Variants in PAK3 observed in about 807,000 individuals in gnomAD.
PAK3 encodes the protein serine/threonine-protein kinase PAK 3.
A neutral mutation model predicts 41.0 loss-of-function variants in PAK3; 4 were observed. The observed-to-expected ratio is 0.10, with a 90% CI of 0.05 to 0.22. The LOEUF (loss-of-function observed/expected upper bound fraction) is 0.22, where lower values mean the gene tolerates loss of function less well. PAK3 is among the 10% of genes least tolerant of loss of function. PAK3 has a pLI of 1.00. For missense variants in PAK3, 205 were observed against 409.9 expected, an observed-to-expected ratio of 0.50 and a Z score of 4.32; for synonymous variants, 146 against 139.6, an observed-to-expected ratio of 1.05 and a Z score of -0.32.
At chrX:111,211,674 C>CA (rs200390666) in intron 16 of PAK3, among the ~76,000 whole-genome samples, 1,551 of 55,021 alleles carry the variant, frequency 0.028, 22 homozygotes, top group Middle Eastern at 0.11. Flanking sequence ...GACTTTGTCT[C>CA]AAAAAAAAAA....
intron 1 of PAK3, among the ~76,000 whole-genome samples, chrX:111,056,623 T>C (rs1382528646): frequency 1.8e-5 from 2 of 112,196 alleles, no homozygotes; most frequent in African/African-American, 6.5e-5. Context: ...ATGCAGTACA[T>C]ATCATTTTGC....
intron 7 of PAK3, among the ~76,000 whole-genome samples, chrX:111,148,577 C>T (rs1356801078): frequency 9.0e-6 from 1 of 111,209 alleles, no homozygotes; most frequent in Non-Finnish European, 1.9e-5. Context: ...GCTGGTGAGA[C>T]CTCAGAATCA....
At chrX:111,208,275 A>T (rs1488474807) in intron 16 of PAK3, among the ~76,000 whole-genome samples, 1 of 112,866 alleles carries the variant, frequency 8.9e-6, no homozygotes, top group African/African-American at 3.2e-5. Flanking sequence ...TTATAAATTT[A>T]AAAACTTACA....
At chrX:111,020,599 C>T (rs2092162704) in intron 1 of PAK3, among the ~76,000 whole-genome samples, 2 of 111,431 alleles carry the variant, frequency 1.8e-5, no homozygotes, top group Admixed American at 9.5e-5. Context: ...TCATCATGAA[C>T]TTTTGCTCCA....
intron 1 of PAK3, among the ~76,000 whole-genome samples, chrX:111,078,793 T>C (rs141028321): frequency 7.2e-4 from 81 of 111,973 alleles, no homozygotes; most frequent in African/African-American, 2.4e-3. Flanking sequence ...ATCCAAGTTA[T>C]GAATGCAAAG....
At chrX:111,138,883 G>T (rs1383933270) in intron 5 of PAK3, among the ~76,000 whole-genome samples, 1 of 110,608 alleles carries the variant, frequency 9.0e-6, no homozygotes, top group East Asian at 2.8e-4. Context: ...CAGGAGAATC[G>T]CTTGAACCCG....
intron 1 of PAK3, among the ~76,000 whole-genome samples, chrX:110,985,166 A>G (rs945683156): frequency 2.7e-5 from 3 of 111,936 alleles, no homozygotes; most frequent in African/African-American, 9.7e-5. Context: ...TGTTTTTAGG[A>G]TAAAGATAAA....
intron 13 of PAK3, among the ~76,000 whole-genome samples, chrX:111,193,190 A>G (rs2094575915): frequency 9.0e-6 from 1 of 111,064 alleles, no homozygotes; most frequent in South Asian, 3.8e-4. Context: ...GTTTAGTACC[A>G]CTGTGCGGTG....
intron 5 of PAK3, among the ~76,000 whole-genome samples, chrX:111,134,620 T>C (rs2093762620): frequency 1.8e-5 from 2 of 111,550 alleles, no homozygotes; most frequent in African/African-American, 3.3e-5. Context: ...AGTTATTCAA[T>C]GATTAGAGTT....
intron 8 of PAK3, among the ~76,000 whole-genome samples, chrX:111,155,000 C>T (rs1402326798): frequency 2.7e-5 from 3 of 110,774 alleles, no homozygotes; most frequent in Non-Finnish European, 5.7e-5. Flanking sequence ...ATTGGTTTTG[C>T]TTGTAGAATT....
intron 1 of PAK3, among the ~76,000 whole-genome samples, chrX:110,977,723 A>C (rs2091366193): frequency 8.9e-6 from 1 of 112,169 alleles, no homozygotes; most frequent in South Asian, 3.7e-4. Context: ...GTATACAAAT[A>C]AAATTGATAT....
chrX:110,970,764 A>T (rs2091191255), intron 1 of PAK3, among the ~76,000 whole-genome samples: 2 of 112,155 alleles, frequency 1.8e-5, no homozygotes, highest in Admixed American at 9.4e-5. Context: ...AAAGTAAAAT[A>T]AAATAAGTAC....
Position 111,178,980 on chromosome X carries a change from T to TATAGAGAGAGAGAGAGAG in PAK3, c.830+5900_830+5901insTAGAGAGAGAGAGAGAGA, listed in dbSNP as rs1211051270. On this transcript the variant is annotated intron_variant, in intron 11 of 17. Coordinates refer to ENST00000372007, the MANE Select transcript of PAK3 (RefSeq NM_002578.5). ...TGTTTTATATATATATATATATATA[T>TATAGAGAGAGAGAGAGAG]AGAGAGAGAGATATCTGTATATCTA... is the stretch of plus-strand genomic sequence containing the variant. 4.6e-3 allele frequency among the ~76,000 whole-genome samples: 418 copies of TATAGAGAGAGAGAGAGAG among 91,589 alleles called. 1 individual carries two copies. The highest frequency in any genetic ancestry group is 0.012 in the African/African-American group (298 of 24,888). The allele number at this position is 91,589 out of a possible 115,157, so 79.5% of individuals were successfully genotyped here.
intron 6 of PAK3, chrX:111,146,714 G>A (rs1055527799): frequency 2.7e-5 from 10 of 375,388 alleles, no homozygotes; most frequent in Middle Eastern, 3.9e-4. Context: ...GGAGGCCCAC[G>A]TCACACATTG....
At chrX:110,978,013 G>C (rs1362473123) in intron 1 of PAK3, among the ~76,000 whole-genome samples, 1 of 112,143 alleles carries the variant, frequency 8.9e-6, no homozygotes, top group South Asian at 3.7e-4. Flanking sequence ...GACGTTAGCT[G>C]TGGGTTTTTC....
At chrX:111,215,357 A>G (rs749304671) in intron 16 of PAK3, among the ~76,000 whole-genome samples, 17 of 110,943 alleles carry the variant, frequency 1.5e-4, no homozygotes, top group African/African-American at 5.3e-4. Flanking sequence ...TCGGGAGTTC[A>G]AGACCAGCCT....
chrX:111,004,596 CT>C (rs1319567357), intron 1 of PAK3, among the ~76,000 whole-genome samples: 2 of 112,172 alleles, frequency 1.8e-5, no homozygotes, highest in Non-Finnish European at 3.8e-5. Flanking sequence ...TAAAGTTGGC[CT>C]TTTTGTAAGA....
chrX:111,117,423 A>G (rs2093485010), intron 4 of PAK3, among the ~76,000 whole-genome samples: 1 of 111,348 alleles, frequency 9.0e-6, no homozygotes, highest in South Asian at 3.8e-4. Flanking sequence ...TTCCTCATGT[A>G]AGAAATGGAG....
At chrX:111,213,161 G>A (rs2094839446) in intron 16 of PAK3, among the ~76,000 whole-genome samples, 1 of 111,947 alleles carries the variant, frequency 8.9e-6, no homozygotes, top group African/African-American at 3.2e-5. Flanking sequence ...CTGCTGTTAG[G>A]CCACCAGTCA....
Sources: allele counts gnomAD v4.1 joint callset (sites outside exome capture counted in the v4.1 genomes callset), GRCh38; gene constraint gnomAD v4.1.1; transcripts MANE v1.5; gene names NCBI Gene and HGNC (gene_info 2026-07-23, HGNC 2026-07-21).